The following USP49 variants were observed in gnomAD, a reference collection of about 807,000 sequenced individuals.
USP49 encodes the protein ubiquitin carboxyl-terminal hydrolase 49.
In USP49, 24 loss-of-function variants were observed where a neutral mutation model predicts 58.6. The observed-to-expected ratio is 0.41, with a 90% confidence interval of 0.30 to 0.58. The LOEUF (loss-of-function observed/expected upper bound fraction) is 0.58, where lower values mean the gene tolerates loss of function less well. Ranked by LOEUF, USP49 falls within the 20% of genes least tolerant of loss-of-function variation. The probability of loss-of-function intolerance (pLI) is 0.30; values close to 1 mark genes in which losing one functional copy is unlikely to be tolerated. For missense variants in USP49, 703 were observed against 866.1 expected (o/e 0.81, Z 2.36); for synonymous variants, 408 against 365.1 (o/e 1.12, Z -1.34).
At chr6:41,850,899 C>G (rs1022853344) in intron 3 of USP49, among the ~76,000 whole-genome samples, 4 of 151,552 alleles carry the variant, frequency 2.6e-5, no homozygotes, top group Admixed American at 2.6e-4. Flanking sequence ...CCGCGCCTGG[C>G]CATGGATAAA....
At chr6:41,797,244 G>A (rs1043342371) in intron 7 of USP49, among the ~76,000 whole-genome samples, 2 of 152,070 alleles carry the variant, frequency 1.3e-5, no homozygotes, top group African/African-American at 2.4e-5. Flanking sequence ...ACAGGCGTGA[G>A]CCACCGCACC....
chr6:41,796,154 G>C lies in USP49; in HGVS notation c.*379C>G. 2.1e-5 allele frequency: 4 copies of C among 193,454 alleles called. No homozygotes were observed. In the South Asian group the frequency reaches 4.4e-4, roughly 21 times the overall value. The allele number at this position is 193,454 out of a possible 1,614,324, so 12.0% of individuals were successfully genotyped here. The stretch of plus-strand genomic sequence containing the variant: ...TGCTCACATCCGGAGGGTTCTTCTG[G>C]TGCTGCAAGGAGGTCCTGATTAGCA... On this transcript the variant is annotated 3_prime_UTR_variant, in exon 8 of 8. Coordinates refer to ENST00000682992, the MANE Select transcript of USP49 (RefSeq NM_001286554.2).
intron 5 of USP49, among the ~76,000 whole-genome samples, chr6:41,802,259 C>A (rs926054035): frequency 1.3e-5 from 2 of 151,806 alleles, no homozygotes; most frequent in Non-Finnish European, 2.9e-5. Context: ...TGGCTTCAGG[C>A]AATCCTCCTG....
In USP49 at chr6:41,806,681, C is replaced by G; in HGVS notation, c.303G>C (p.Ala101=). The G allele has an allele frequency of 6.2e-7, 1 of 1,614,166 alleles. No individual in the cohort carries two copies. ...GCGTGTCCTGTTTCTGGCCCCGGAC[C>G]GCCAGGAGGGAGCTTCTTAGCAGCT... The part of the protein sequence containing the change: ...DLKLLRSSLL[A]VRGQKQDTPV... The change falls in exon 4 of 8, where the codon GCG becomes GCC. Residue 101 remains alanine, a synonymous_variant. Transcript: ENST00000682992. This position sits in a 1 kb window ranked among gnomAD's most constrained non-coding sequence, Gnocchi z 5.9.
At chr6:41,889,523 T>C (rs1239434666) in intron 2 of USP49, among the ~76,000 whole-genome samples, 1 of 152,164 alleles carries the variant, frequency 6.6e-6, no homozygotes, top group Non-Finnish European at 1.5e-5. Context: ...GACACATCCA[T>C]GCATGAGCAC....
At chr6:41,799,028 C>T (rs1772944948) in intron 6 of USP49, 99 bp from the exon 7 acceptor site, 2 of 1,462,456 alleles carry the variant, frequency 1.4e-6, no homozygotes, top group Non-Finnish European at 1.8e-6. Context: ...AAAATTTAAC[C>T]TTCTGGTTTT....
At chr6:41,891,474 T>A (rs970819728) in intron 2 of USP49, among the ~76,000 whole-genome samples, 1 of 152,160 alleles carries the variant, frequency 6.6e-6, no homozygotes, top group East Asian at 1.9e-4. Flanking sequence ...GGATTGCCAT[T>A]GAGGAGTAAA....
intron 2 of USP49, among the ~76,000 whole-genome samples, chr6:41,885,960 G>A (rs193291349): frequency 6.6e-6 from 1 of 152,206 alleles, no homozygotes; most frequent in African/African-American, 2.4e-5. Context: ...CCTTTCACTT[G>A]AAATGCATTG....
chr6:41,847,646 G>A lies in USP49; in HGVS notation c.-29+23918C>T, dbSNP rs899802051. The stretch of plus-strand genomic sequence containing the variant: ...GGAGGATCACTTGAACCCAGGAGGC[G>A]GAGGTTGCAGTGAGCCAAGATCGTG... On this transcript the variant is annotated intron_variant, in intron 3 of 7. Transcript: ENST00000682992. Among the ~76,000 whole-genome samples, 8 of 152,126 alleles carry A rather than the reference G, an allele frequency of 5.3e-5. No individual in the cohort carries two copies. In the East Asian group the frequency reaches 5.8e-4, roughly 11 times the overall value.
chr6:41,848,770 G>C lies in USP49; in HGVS notation c.-29+22794C>G, dbSNP rs927917846. 2.0e-5 allele frequency among the ~76,000 whole-genome samples: 3 copies of C among 151,742 alleles called. No homozygotes were observed. The South Asian group carries it at 6.3e-4, about 32-fold the overall frequency. On this transcript the variant is annotated intron_variant, in intron 3 of 7. Coordinates refer to ENST00000682992, the MANE Select transcript of USP49 (RefSeq NM_001286554.2). ...CTTGGGAGGCTGAGGCAGGAGAATG[G>C]TGTGAACCCGGGAGGCAGAGCTTGC...
intron 3 of USP49, among the ~76,000 whole-genome samples, chr6:41,815,217 G>A (rs1049401335): frequency 6.6e-6 from 1 of 152,066 alleles, no homozygotes; most frequent in African/African-American, 2.4e-5. Context: ...TCAGCAGATT[G>A]AGACCATCCT....
intron 3 of USP49, among the ~76,000 whole-genome samples, chr6:41,853,495 T>C (rs1008288993): frequency 8.5e-5 from 13 of 152,222 alleles, no homozygotes; most frequent in Non-Finnish European, 1.8e-4. Context: ...ACTAGTGAAC[T>C]GTACTCTTGA....
chr6:41,862,549 G>A (rs1774241505), intron 3 of USP49, among the ~76,000 whole-genome samples: 1 of 152,020 alleles, frequency 6.6e-6, no homozygotes, highest in Non-Finnish European at 1.5e-5. Context: ...GGTTTCAAAA[G>A]GAAAAGATGG....
chr6:41,868,310 G>GTATTTATT (rs548129847), intron 3 of USP49, among the ~76,000 whole-genome samples: 1 of 152,156 alleles, frequency 6.6e-6, no homozygotes, highest in Non-Finnish European at 1.5e-5. Context: ...GTTAACTTCT[G>GTATTTATT]TATTTATTTA....
intron 7 of USP49, among the ~76,000 whole-genome samples, chr6:41,797,427 G>C (rs1477184131): frequency 1.3e-5 from 2 of 152,134 alleles, no homozygotes; most frequent in African/African-American, 4.8e-5. Context: ...AAATTTAGAA[G>C]GAACAAAAAA....
intron 2 of USP49, among the ~76,000 whole-genome samples, chr6:41,882,245 C>A (rs1256831357): frequency 1.3e-5 from 2 of 152,094 alleles, no homozygotes; most frequent in South Asian, 4.2e-4. Context: ...ACAGGCCCAG[C>A]AGTGCTAAAC....
chr6:41,874,964 AAAAG>A (rs1349072225), intron 2 of USP49, among the ~76,000 whole-genome samples: 1 of 152,104 alleles, frequency 6.6e-6, no homozygotes, highest in African/African-American at 2.4e-5. Context: ...CTTGTCTAAA[AAAAG>A]AAAGAGAGAG....
At chr6:41,891,238 G>C (rs1376723308) in intron 2 of USP49, among the ~76,000 whole-genome samples, 1 of 152,176 alleles carries the variant, frequency 6.6e-6, no homozygotes, top group East Asian at 1.9e-4. Flanking sequence ...AAAATGCAAA[G>C]GCTGGAATCC....
rs6941149 is a variant in USP49, at chr6:41,790,435, A to G, written c.*6098T>C. The G allele has an allele frequency of 9.2e-4, 140 of 152,318 alleles. 1 individual carries two copies. Among genetic ancestry groups the G allele is most frequent in the African/African-American group, 3.2e-3 (135 of 41,564 alleles). 9.4% of individuals were successfully genotyped at this position (152,318 alleles called of 1,614,324 possible). Reference sequence around the variant, plus strand: ...TGGAGTATGTACGGAACTGGCATGTATAGACTTATATAGCCATAGAAAGAG... The same window carrying G: ...TGGAGTATGTACGGAACTGGCATGTGTAGACTTATATAGCCATAGAAAGAG... On this transcript the variant is annotated 3_prime_UTR_variant, in exon 8 of 8. Transcript: ENST00000682992.
Sources: allele counts gnomAD v4.1 joint callset (sites outside exome capture counted in the v4.1 genomes callset), GRCh38; gene constraint gnomAD v4.1.1; non-coding constraint Gnocchi (gnomAD v3.1); transcripts MANE v1.5; gene names NCBI Gene and HGNC (gene_info 2026-07-23, HGNC 2026-07-21).